Variants in GTF2H1 observed in about 807,000 individuals in gnomAD.
The protein encoded by GTF2H1 is general transcription factor IIH subunit 1, also known as BTF2 p62.
In GTF2H1, 16 loss-of-function variants were observed where a neutral mutation model predicts 71.2. The ratio of observed to expected loss-of-function variants is 0.22; its 90% CI spans 0.15 to 0.34. GTF2H1 has a LOEUF of 0.34. Among genes scored for constraint, GTF2H1 ranks in the 10% least tolerant of loss-of-function variants. The pLI is 1.00. For missense variants in GTF2H1, 498 were observed against 648.2 expected, an observed-to-expected ratio of 0.77 and a Z score of 2.52; for synonymous variants, 215 against 219.0, an observed-to-expected ratio of 0.98 and a Z score of 0.16.
intron 1 of GTF2H1, among the ~76,000 whole-genome samples, chr11:18,328,972 G>A (rs1294729633): frequency 1.3e-5 from 2 of 152,162 alleles, no homozygotes; most frequent in Non-Finnish European, 2.9e-5. Context: ...CAGTTAAAAG[G>A]TGGTATCGTT....
At chr11:18,337,970 A>C in intron 3 of GTF2H1, 139 bp from the exon 4 acceptor site, 3 of 570,724 alleles carry the variant, frequency 5.3e-6, no homozygotes, top group Non-Finnish European at 9.3e-6. Context: ...AAGTGAACTG[A>C]AGGACCTCTG....
At chr11:18,347,741 TA>T in intron 8 of GTF2H1, 26 bp downstream of exon 8, 1 of 1,608,316 alleles carries the variant, frequency 6.2e-7, no homozygotes, top group Non-Finnish European at 8.5e-7. Context: ...AGAGGTGCAG[TA>T]ACTGGGCTTT....
Position 18,365,916 on chromosome 11 carries a change from C to T in GTF2H1, c.*47C>T, listed in dbSNP as rs779483241. The T allele has an allele frequency of 3.8e-6, 5 of 1,306,380 alleles. No individual in the cohort carries two copies. Among genetic ancestry groups the T allele is most frequent in the East Asian group, 4.6e-5 (2 of 43,082 alleles). The allele number at this position is 1,306,380 out of a possible 1,614,324, so 80.9% of individuals were successfully genotyped here. Reference sequence around the variant, plus strand: ...TTTTGTGAGATTGAGAGAACTATGACCTGCAGCAACTCTGGAAACCTGGCC... The same window carrying T: ...TTTTGTGAGATTGAGAGAACTATGATCTGCAGCAACTCTGGAAACCTGGCC... On this transcript the variant is annotated 3_prime_UTR_variant, in exon 15 of 15. Transcript: ENST00000265963.
chr11:18,330,303 A>T (rs1297298444), intron 1 of GTF2H1, among the ~76,000 whole-genome samples: 1 of 152,210 alleles, frequency 6.6e-6, no homozygotes, highest in Non-Finnish European at 1.5e-5. Context: ...TGGTGGCACC[A>T]GTAATAAAAA....
At chr11:18,349,727 AC>A (rs1242762986) in intron 9 of GTF2H1, among the ~76,000 whole-genome samples, 5 of 152,264 alleles carry the variant, frequency 3.3e-5, no homozygotes, top group East Asian at 1.9e-4. Context: ...GTGAATTTTT[AC>A]AATACAGATG....
At chr11:18,355,093 T>C (rs1482184776) in intron 11 of GTF2H1, among the ~76,000 whole-genome samples, 3 of 150,324 alleles carry the variant, frequency 2.0e-5, no homozygotes, top group Non-Finnish European at 4.4e-5. Context: ...TACAGGCCGT[T>C]TTTTTCTTTT....
At chr11:18,350,064 A>G (rs1865390868) in intron 9 of GTF2H1, among the ~76,000 whole-genome samples, 1 of 152,234 alleles carries the variant, frequency 6.6e-6, no homozygotes, top group South Asian at 2.1e-4. Context: ...AAGTCAAACC[A>G]TTGTAAGTCA....
chr11:18,350,371 G>A (rs1865395999), intron 9 of GTF2H1, among the ~76,000 whole-genome samples: 1 of 151,984 alleles, frequency 6.6e-6, no homozygotes, highest in African/African-American at 2.4e-5. Flanking sequence ...CTTGACATAT[G>A]TCAAAAATCA....
chr11:18,330,083 T>C (rs1278950042), intron 1 of GTF2H1, among the ~76,000 whole-genome samples: 1 of 152,230 alleles, frequency 6.6e-6, no homozygotes, highest in Non-Finnish European at 1.5e-5. Context: ...GTGTGTACTA[T>C]AGTCAAAACG....
intron 10 of GTF2H1, 120 bp from the exon 11 acceptor site, chr11:18,352,209 C>T (rs4150647): frequency 0.019 from 12,429 of 650,706 alleles, 191 homozygotes; most frequent in African/African-American, 0.053. Flanking sequence ...ATTGAAATCT[C>T]TTTACTTATC....
intron 7 of GTF2H1, among the ~76,000 whole-genome samples, chr11:18,342,684 G>A (rs1019125463): frequency 6.6e-6 from 1 of 152,246 alleles, no homozygotes; most frequent in African/African-American, 2.4e-5. Context: ...ATAAAGCTTA[G>A]TGGCGCTTAG....
At chr11:18,364,006 G>A (rs1158575537) in intron 14 of GTF2H1, among the ~76,000 whole-genome samples, 3 of 151,916 alleles carry the variant, frequency 2.0e-5, no homozygotes. Context: ...CCTGGGAGGC[G>A]GAGATTGCAG....
chr11:18,347,040 A>C (rs1865311678), intron 7 of GTF2H1: 1 of 149,368 alleles, frequency 6.7e-6, no homozygotes, highest in Non-Finnish European at 1.5e-5. Context: ...TATTGCTTTT[A>C]TTTAACGTTT....
chr11:18,327,259 G>C (rs1471975077), intron 1 of GTF2H1, among the ~76,000 whole-genome samples: 1 of 149,678 alleles, frequency 6.7e-6, no homozygotes, highest in Non-Finnish European at 1.5e-5. Flanking sequence ...TTTAATAACT[G>C]CTCTAGTATA....
intron 7 of GTF2H1, chr11:18,341,819 C>G: frequency 2.4e-6 from 1 of 412,694 alleles, no homozygotes; most frequent in Non-Finnish European, 4.3e-6. Context: ...TTGCTAAAAC[C>G]TTTTAAAAAT....
At chr11:18,360,876 G>T in intron 14 of GTF2H1, 169 bp downstream of exon 14, 1 of 500,364 alleles carries the variant, frequency 2.0e-6, no homozygotes, top group African/African-American at 2.1e-5. Flanking sequence ...CTCCATCTCA[G>T]CTCACTGCAA....
chr11:18,355,716 C>T (rs898466937), intron 11 of GTF2H1, among the ~76,000 whole-genome samples: 2 of 151,172 alleles, frequency 1.3e-5, no homozygotes, highest in African/African-American at 4.9e-5. Flanking sequence ...GGTTTCACCA[C>T]GTTGCCCAGG....
chr11:18,353,008 G>A (rs796326146), intron 11 of GTF2H1, among the ~76,000 whole-genome samples: 76 of 152,264 alleles, frequency 5.0e-4, no homozygotes, highest in African/African-American at 1.8e-3. Context: ...GGTGGATCAC[G>A]TGAGGTCAGA....
At chr11:18,323,674 A>G (rs891825210) in intron 1 of GTF2H1, among the ~76,000 whole-genome samples, 2 of 152,178 alleles carry the variant, frequency 1.3e-5, no homozygotes, top group Admixed American at 6.5e-5. Flanking sequence ...GAGTGGAACA[A>G]TTTCTCCCCA....
Sources: gnomAD v4.1 joint callset for allele counts (sites outside exome capture counted in the v4.1 genomes callset) on GRCh38, gnomAD v4.1.1 for gene constraint, MANE v1.5 for transcripts, NCBI Gene and HGNC (gene_info 2026-07-23, HGNC 2026-07-21) for gene names.